Variants in SLC1A3 observed in about 807,000 individuals in gnomAD.
SLC1A3 encodes the protein solute carrier family 1 member 3, also known as excitatory amino acid transporter 1.
SLC1A3 carries 21 observed loss-of-function variants against 48.1 expected under a neutral mutation model. The ratio of observed to expected loss-of-function variants is 0.44; its 90% confidence interval spans 0.31 to 0.63. SLC1A3 has a LOEUF of 0.63. SLC1A3 is among the 20% of genes least tolerant of loss of function. SLC1A3 has a pLI of 0.08. For synonymous variants in SLC1A3, 239 were observed against 251.4 expected (o/e 0.95, Z 0.47); for missense variants, 546 against 689.0 (o/e 0.79, Z 2.32).
intron 8 of SLC1A3, 25 bp from the exon 9 acceptor site, chr5:36,683,839 T>C (rs1035676911): frequency 1.9e-6 from 3 of 1,614,182 alleles, no homozygotes; most frequent in African/African-American, 2.7e-5. Flanking sequence ...AAAAGTGTTT[T>C]CTGTTCTGGT....
chr5:36,607,746 C>T (rs1739011918), intron 1 of SLC1A3, among the ~76,000 whole-genome samples: 1 of 152,090 alleles, frequency 6.6e-6, no homozygotes, highest in East Asian at 1.9e-4. Flanking sequence ...CATGTATTTC[C>T]CATGTACTGT....
chr5:36,639,863 A>G (rs1740542735), intron 3 of SLC1A3, among the ~76,000 whole-genome samples: 1 of 152,228 alleles, frequency 6.6e-6, no homozygotes, highest in African/African-American at 2.4e-5. Context: ...CACAAACATG[A>G]AGACCCCCAC....
At chr5:36,625,415 C>T (rs1739863684) in intron 2 of SLC1A3, among the ~76,000 whole-genome samples, 1 of 152,124 alleles carries the variant, frequency 6.6e-6, no homozygotes, top group South Asian at 2.1e-4. Flanking sequence ...CGAGATTGTG[C>T]CACTGCACTC....
intron 6 of SLC1A3, 94 bp downstream of exon 6, chr5:36,677,278 G>T (rs991661595): frequency 1.8e-6 from 2 of 1,090,630 alleles, no homozygotes; most frequent in African/African-American, 3.1e-5. Flanking sequence ...GAGGCAGGAT[G>T]GCCAATTGCA....
chr5:36,622,878 G>A (rs1409405837), intron 2 of SLC1A3, among the ~76,000 whole-genome samples: 5 of 151,796 alleles, frequency 3.3e-5, no homozygotes, highest in Non-Finnish European at 7.4e-5. Flanking sequence ...CGGGTGTGGT[G>A]GCAGGCGCAT....
intron 2 of SLC1A3, among the ~76,000 whole-genome samples, chr5:36,617,415 CTTTTTTTTTTT>C (rs34710652): frequency 1.7e-5 from 1 of 57,676 alleles, no homozygotes; most frequent in Non-Finnish European, 3.1e-5. Context: ...AGGTTGCGGG[CTTTTTTTTTTT>C]TTTTTTTTTT....
chr5:36,600,424 A>G (rs1173852826), intron 1 of SLC1A3, among the ~76,000 whole-genome samples: 2 of 152,166 alleles, frequency 1.3e-5, no homozygotes, highest in Non-Finnish European at 2.9e-5. Context: ...CCCAGTCTCC[A>G]TGCATTTTTC....
chr5:36,683,765 G>A, intron 8 of SLC1A3, 99 bp from the exon 9 acceptor site: 12 of 1,321,356 alleles, frequency 9.1e-6, no homozygotes, highest in Non-Finnish European at 1.3e-5. Context: ...TGTGTTACAT[G>A]GCAAGTCAGG....
chr5:36,623,005 C>A (rs1739744329), intron 2 of SLC1A3, among the ~76,000 whole-genome samples: 1 of 141,982 alleles, frequency 7.0e-6, no homozygotes, highest in African/African-American at 2.6e-5. Context: ...GAGGGAGACT[C>A]CATCATCTCA....
At chr5:36,612,938 G>T (rs939924525) in intron 2 of SLC1A3, 2 of 431,356 alleles carry the variant, frequency 4.6e-6, no homozygotes, top group African/African-American at 2.0e-5. Flanking sequence ...AAGAGAGGTC[G>T]AACTGAAAGC....
At position 36,677,156 on chromosome 5, in the gene SLC1A3, A is replaced by G. The variant is rs1324715225; in HGVS notation, c.832A>G (p.Ile278Val). Residue 278 changes from isoleucine to valine, a missense_variant, in exon 6 of 10, where the codon ATC becomes GTC. Transcript: ENST00000265113. ...GTTCTTTGATTCTCTTAACGAAGCC[A>G]TCATGAGACTGGTAGCAGTAATAAT... is the stretch of plus-strand genomic sequence containing the variant. ...REFFDSLNEA[I>V]MRLVAVIMWY... is the part of the protein sequence containing the mutation. 3.1e-6 allele frequency: 5 copies of G among 1,613,974 alleles called. No homozygotes were observed. In the Admixed American group the frequency reaches 8.3e-5, roughly 27 times the overall value.
chr5:36,626,345 AAT>A, intron 2 of SLC1A3, among the ~76,000 whole-genome samples: 1 of 152,312 alleles, frequency 6.6e-6, no homozygotes, highest in East Asian at 1.9e-4. Context: ...CTATTCTATC[AAT>A]TACTTATAAA....
At chr5:36,686,020 G>A in intron 9 of SLC1A3, 45 bp from the exon 10 acceptor site, 1 of 1,524,536 alleles carries the variant, frequency 6.6e-7, no homozygotes, top group Non-Finnish European at 9.1e-7. Flanking sequence ...AACTTGTGAT[G>A]CTCACGGGAG....
chr5:36,680,302 A>G (rs1169383321), intron 7 of SLC1A3, 93 bp from the exon 8 acceptor site: 13 of 1,013,792 alleles, frequency 1.3e-5, no homozygotes, highest in Middle Eastern at 5.8e-4. Context: ...AGAACATGGG[A>G]GAGGAAGGAA....
At chr5:36,654,092 T>C (rs935893431) in intron 3 of SLC1A3, among the ~76,000 whole-genome samples, 1 of 152,202 alleles carries the variant, frequency 6.6e-6, no homozygotes, top group African/African-American at 2.4e-5. Context: ...TCCACCCTCC[T>C]CAGCCTCCAA....
intron 3 of SLC1A3, among the ~76,000 whole-genome samples, chr5:36,637,183 G>A (rs567180311): frequency 6.6e-6 from 1 of 152,176 alleles, no homozygotes; most frequent in Non-Finnish European, 1.5e-5. Flanking sequence ...CATGTGACTG[G>A]GTAGGGACAG....
intron 3 of SLC1A3, among the ~76,000 whole-genome samples, chr5:36,662,506 C>T (rs909554127): frequency 6.6e-6 from 1 of 152,150 alleles, no homozygotes; most frequent in Non-Finnish European, 1.5e-5. Context: ...GGGTCCCGCT[C>T]GCCTCTCCCT....
At chr5:36,634,390 C>T (rs1249986347) in intron 3 of SLC1A3, among the ~76,000 whole-genome samples, 1 of 151,988 alleles carries the variant, frequency 6.6e-6, no homozygotes, top group Non-Finnish European at 1.5e-5. Flanking sequence ...TCCTGTAATC[C>T]AAAGAATCAA....
intron 2 of SLC1A3, among the ~76,000 whole-genome samples, chr5:36,611,617 C>T (rs1739200798): frequency 1.3e-5 from 2 of 152,018 alleles, no homozygotes; most frequent in South Asian, 4.1e-4. Context: ...GTTAGCAATC[C>T]GAGAGAACAC....
Sources: gnomAD v4.1 joint callset for allele counts (sites outside exome capture counted in the v4.1 genomes callset) on GRCh38, gnomAD v4.1.1 for gene constraint, MANE v1.5 for transcripts, NCBI Gene and HGNC (gene_info 2026-07-23, HGNC 2026-07-21) for gene names.